The following VGLL4 variants were observed in gnomAD, a reference collection of about 807,000 sequenced individuals.
The protein encoded by VGLL4 is vestigial like family member 4.
Under a neutral mutation model 21.0 loss-of-function variants are expected in VGLL4, and 7 were observed. The observed-to-expected ratio is 0.33, with a 90% CI of 0.19 to 0.63. The LOEUF is 0.63. VGLL4 is among the 20% of genes least tolerant of loss of function. The pLI, the probability that VGLL4 is intolerant of heterozygous loss-of-function variation, is 0.78. For missense variants in VGLL4, 394 were observed against 425.7 expected, an observed-to-expected ratio of 0.93 and a Z score of 0.66; for synonymous variants, 222 against 173.2, an observed-to-expected ratio of 1.28 and a Z score of -2.21.
chr3:11,569,255 G>A (rs730178), intron 2 of VGLL4, among the ~76,000 whole-genome samples: 35,035 of 152,042 alleles, frequency 0.23, 4,802 homozygotes, highest in African/African-American at 0.37. Flanking sequence ...TTCATTCACC[G>A]TGGACTGCCA....
At chr3:11,706,701 G>A (rs758116131) in intron 1 of VGLL4, among the ~76,000 whole-genome samples, 33 of 152,094 alleles carry the variant, frequency 2.2e-4, no homozygotes, top group Non-Finnish European at 4.4e-4. Context: ...TTCCTGGATC[G>A]CACTGTGTTT....
intron 2 of VGLL4, chr3:11,702,952 TA>T: frequency 1.9e-6 from 3 of 1,606,694 alleles, no homozygotes; most frequent in Non-Finnish European, 2.6e-6. Flanking sequence ...AGCTATTTTA[TA>T]ATAGACTCCT....
In VGLL4 at chr3:11,557,358, A is replaced by T. The variant is rs1425763325; in HGVS notation, c.*1198T>A. 1 of 152,834 alleles carries T rather than the reference A, an allele frequency of 6.5e-6. No homozygotes were observed. Among genetic ancestry groups the T allele is most frequent in the Non-Finnish European group, 1.5e-5 (1 of 68,046 alleles). The allele number at this position is 152,834 out of a possible 1,614,324, so 9.5% of individuals were successfully genotyped here. On this transcript the variant is annotated 3_prime_UTR_variant, in exon 5 of 5. Transcript: ENST00000430365. ...ATTGTCTGTCAGTAATCTGCTGTTC[A>T]GCCAAGAGAGTTCAAAGGGAGCAGT...
intron 1 of VGLL4, among the ~76,000 whole-genome samples, chr3:11,639,295 G>A (rs954996586): frequency 2.0e-5 from 3 of 152,220 alleles, no homozygotes; most frequent in East Asian, 1.9e-4. Flanking sequence ...TGGCATCCAC[G>A]CAGGCCTCCT....
At chr3:11,574,744 T>C (rs1011424870) in intron 2 of VGLL4, among the ~76,000 whole-genome samples, 4 of 151,772 alleles carry the variant, frequency 2.6e-5, no homozygotes, top group Non-Finnish European at 5.9e-5. Flanking sequence ...CTTCACTATG[T>C]ACCCCATGAA....
At chr3:11,582,303 CA>C in intron 2 of VGLL4, 1 of 1,602,624 alleles carries the variant, frequency 6.2e-7, no homozygotes, top group Non-Finnish European at 8.5e-7. Context: ...TAATCATTGC[CA>C]AAGAGCATGA....
At chr3:11,712,054 C>T (rs970885121) in intron 1 of VGLL4, among the ~76,000 whole-genome samples, 28 of 152,202 alleles carry the variant, frequency 1.8e-4, no homozygotes, top group African/African-American at 6.0e-4. Flanking sequence ...ATTCTCAAAC[C>T]ACCCCTCTCT....
chr3:11,638,741 C>A (rs1054176987), intron 1 of VGLL4, among the ~76,000 whole-genome samples: 1 of 152,102 alleles, frequency 6.6e-6, no homozygotes, highest in Non-Finnish European at 1.5e-5. Context: ...GGCCTTTTCA[C>A]CTACCCAAGC....
In VGLL4 at chr3:11,697,100, A is replaced by C. The variant is rs562758609; in HGVS notation, c.64+5871T>G. On this transcript the variant is annotated intron_variant, in intron 2 of 5. Transcript: ENST00000273038. ...CTCAGTATATGTATATGAAGATCAC[A>C]ATATGAAATGGCTTTTTTGAGATGG... Among the ~76,000 whole-genome samples, 5 of 152,254 alleles carry C rather than the reference A, an allele frequency of 3.3e-5. No individual in the cohort carries two copies. The South Asian group carries it at 1.0e-3, about 32-fold the overall frequency.
At chr3:11,635,432 A>G (rs980609707) in intron 1 of VGLL4, among the ~76,000 whole-genome samples, 9 of 152,256 alleles carry the variant, frequency 5.9e-5, no homozygotes, top group Admixed American at 5.2e-4. Flanking sequence ...ATGAATGGTG[A>G]TGAATTCAGA....
intron 1 of VGLL4, among the ~76,000 whole-genome samples, chr3:11,629,625 T>C (rs1454556965): frequency 6.6e-6 from 1 of 151,446 alleles, no homozygotes; most frequent in Non-Finnish European, 1.5e-5. Flanking sequence ...CAAGCGCCTG[T>C]AATCCCACCT....
intron 2 of VGLL4, among the ~76,000 whole-genome samples, chr3:11,573,379 GAAAGAAAGAAAGAA>G (rs1234303424): frequency 3.4e-5 from 5 of 145,016 alleles, no homozygotes; most frequent in African/African-American, 5.1e-5. Context: ...AAGAAAGAAA[GAAAGAAAGAAAGAA>G]AGAAAATGGC....
At chr3:11,582,336 C>T in intron 2 of VGLL4, 2 of 1,591,400 alleles carry the variant, frequency 1.3e-6, no homozygotes, top group South Asian at 1.1e-5. Flanking sequence ...CGTCCTCCCA[C>T]AAGAAAGCCT....
intron 1 of VGLL4, among the ~76,000 whole-genome samples, chr3:11,629,880 C>T (rs1446669690): frequency 3.3e-5 from 5 of 151,990 alleles, no homozygotes; most frequent in Non-Finnish European, 5.9e-5. Flanking sequence ...ATTGGAGTTA[C>T]GAGAGCTTAA....
intron 1 of VGLL4, 115 bp downstream of exon 1, chr3:11,643,322 A>G (rs2075731759): frequency 2.6e-6 from 4 of 1,519,726 alleles, no homozygotes; most frequent in Non-Finnish European, 3.6e-6. Flanking sequence ...CCGGCCTTTC[A>G]AGTGCCCTAC....
intron 2 of VGLL4, among the ~76,000 whole-genome samples, chr3:11,670,813 G>A (rs151009998): frequency 0.056 from 8,472 of 152,174 alleles, 295 homozygotes; most frequent in African/African-American, 0.1. Flanking sequence ...TGAGGCTGGC[G>A]GATCACCTGA....
intron 2 of VGLL4, among the ~76,000 whole-genome samples, chr3:11,600,202 C>G (rs2074757908): frequency 6.6e-6 from 1 of 152,094 alleles, no homozygotes. Flanking sequence ...TTATCATTGT[C>G]ATTGTCATTG....
intron 2 of VGLL4, among the ~76,000 whole-genome samples, chr3:11,694,893 A>C (rs971657362): frequency 6.6e-6 from 1 of 152,174 alleles, no homozygotes; most frequent in Non-Finnish European, 1.5e-5. Flanking sequence ...TGTCACGGCT[A>C]GCTTTTATTG....
At chr3:11,589,927 G>A (rs948875575) in intron 2 of VGLL4, among the ~76,000 whole-genome samples, 1 of 152,210 alleles carries the variant, frequency 6.6e-6, no homozygotes, top group African/African-American at 2.4e-5. Context: ...ATCGGGGGTT[G>A]AGGCTTCCAC....
Sources: gnomAD v4.1 joint callset for allele counts (sites outside exome capture counted in the v4.1 genomes callset) on GRCh38, gnomAD v4.1.1 for gene constraint, MANE v1.5 for transcripts, NCBI Gene and HGNC (gene_info 2026-07-23, HGNC 2026-07-21) for gene names.